The following LRP1B variants were observed in gnomAD, a reference collection of about 807,000 sequenced individuals.
The protein encoded by LRP1B is LDL receptor related protein 1B, also known as low-density lipoprotein receptor-related protein 1B.
LRP1B carries 217 observed loss-of-function variants against 556.6 expected under a neutral mutation model. The observed-to-expected ratio is 0.39, with a 90% CI of 0.35 to 0.44. The LOEUF is 0.44. Ranked by LOEUF, LRP1B falls within the 20% of genes least tolerant of loss-of-function variation. The probability of loss-of-function intolerance (pLI) is 1.00; values close to 1 mark genes in which losing one functional copy is unlikely to be tolerated. For missense variants in LRP1B, 5,053 were observed against 5,620.8 expected (o/e 0.90, Z 3.23); for synonymous variants, 2,047 against 1,865.8 (o/e 1.10, Z -2.50).
At chr2:140,253,289 G>A (rs1681534156) in intron 86 of LRP1B, among the ~76,000 whole-genome samples, 1 of 152,032 alleles carries the variant, frequency 6.6e-6, no homozygotes, top group African/African-American at 2.4e-5. Context: ...AAGTGTTAAT[G>A]TGGTAAAGTA....
rs565876901 is a variant in LRP1B, at chr2:140,408,143, A to G, written c.10415-22134T>C. Among the ~76,000 whole-genome samples, 11 of 152,060 alleles carry G rather than the reference A, an allele frequency of 7.2e-5. No individual in the cohort carries two copies. In the South Asian group the frequency reaches 8.3e-4, roughly 11 times the overall value. On this transcript the variant is annotated intron_variant, in intron 66 of 90. Coordinates refer to ENST00000389484, the MANE Select transcript of LRP1B (RefSeq NM_018557.3). ...AGCTAAGCTATGAGGACACAAAGAC[A>G]TGCAGAATGATATAATGGACTTTGA...
intron 2 of LRP1B, among the ~76,000 whole-genome samples, chr2:141,488,853 T>A (rs1205166464): frequency 1.3e-5 from 2 of 152,140 alleles, no homozygotes; most frequent in Non-Finnish European, 2.9e-5. Context: ...AAAAATTAAC[T>A]TTCCTGGAAT....
intron 7 of LRP1B, among the ~76,000 whole-genome samples, chr2:141,186,707 TG>T (rs1338037530): frequency 6.6e-6 from 1 of 152,050 alleles, no homozygotes; most frequent in Admixed American, 6.6e-5. Flanking sequence ...GCAAATGATG[TG>T]GGGGTTTTCT....
intron 84 of LRP1B, 125 bp from the exon 85 acceptor site, chr2:140,274,723 C>G (rs944006966): frequency 5.7e-6 from 4 of 704,532 alleles, no homozygotes; most frequent in Admixed American, 3.0e-5. Context: ...ACAAAAGCAG[C>G]TTATAATTAC....
chr2:141,597,001 G>A (rs1012776639), intron 2 of LRP1B, among the ~76,000 whole-genome samples: 5 of 129,816 alleles, frequency 3.9e-5, no homozygotes, highest in South Asian at 3.2e-4. Flanking sequence ...CAGAACTGAC[G>A]TGTGTGTGTG....
At chr2:140,977,504 T>C (rs1696639452) in intron 18 of LRP1B, among the ~76,000 whole-genome samples, 2 of 152,212 alleles carry the variant, frequency 1.3e-5, no homozygotes, top group South Asian at 4.1e-4. Flanking sequence ...CATTCTTACG[T>C]TACATAGTGC....
At chr2:140,411,156 T>C (rs1684954598) in intron 66 of LRP1B, among the ~76,000 whole-genome samples, 1 of 152,174 alleles carries the variant, frequency 6.6e-6, no homozygotes, top group African/African-American at 2.4e-5. Context: ...CTCTTGTACC[T>C]TGATAAAAAC....
rs183697058 is a variant in LRP1B at position 141,745,234 on chromosome 2, A to G, written c.205+65045T>C. ...AGACCCCAGGGCTCTACAATCAGCA[A>G]GTGGCAAAGTCAGCTAGACTCCTGT... On this transcript the variant is annotated intron_variant, in intron 2 of 90. Coordinates refer to ENST00000389484, the MANE Select transcript of LRP1B (RefSeq NM_018557.3). 5.1e-4 allele frequency among the ~76,000 whole-genome samples: 77 copies of G among 152,228 alleles called. No individual in the cohort carries two copies. In the East Asian group the frequency reaches 0.011, roughly 22 times the overall value.
At chr2:140,606,831 G>C (rs533366990) in intron 41 of LRP1B, among the ~76,000 whole-genome samples, 1 of 151,922 alleles carries the variant, frequency 6.6e-6, no homozygotes, top group African/African-American at 2.4e-5. Flanking sequence ...CCTAAACATA[G>C]ATGGTAGATG....
intron 2 of LRP1B, among the ~76,000 whole-genome samples, chr2:141,765,880 C>G (rs1694717607): frequency 6.6e-6 from 1 of 152,152 alleles, no homozygotes; most frequent in African/African-American, 2.4e-5. Flanking sequence ...CTTCGAAACT[C>G]AAAAACTCTG....
chr2:141,372,631 A>C (rs1689271141), intron 3 of LRP1B, among the ~76,000 whole-genome samples: 1 of 151,850 alleles, frequency 6.6e-6, no homozygotes, highest in Non-Finnish European at 1.5e-5. Flanking sequence ...GTTTTCCAGG[A>C]ATTTATTTCC....
chr2:141,217,932 C>G (rs1177355639), intron 6 of LRP1B, among the ~76,000 whole-genome samples: 1 of 151,958 alleles, frequency 6.6e-6, no homozygotes, highest in Non-Finnish European at 1.5e-5. Context: ...AGGACATGAA[C>G]AGACACTTCA....
intron 85 of LRP1B, among the ~76,000 whole-genome samples, chr2:140,273,849 C>T (rs1358591105): frequency 1.3e-5 from 2 of 151,924 alleles, no homozygotes; most frequent in African/African-American, 4.8e-5. Context: ...ATCTTAAAGC[C>T]AAAGAGCAAA....
At chr2:141,002,766 T>C (rs1020212686) in intron 15 of LRP1B, among the ~76,000 whole-genome samples, 1 of 151,968 alleles carries the variant, frequency 6.6e-6, no homozygotes, top group Non-Finnish European at 1.5e-5. Flanking sequence ...AACAATGGAG[T>C]GCTAAAAGTT....
chr2:141,616,937 C>A (rs556028975), intron 2 of LRP1B, among the ~76,000 whole-genome samples: 2 of 152,196 alleles, frequency 1.3e-5, no homozygotes, highest in Admixed American at 1.3e-4. Context: ...TACAAATCAT[C>A]ATTCAAAGAG....
At chr2:141,826,771 G>T (rs1168529794) in intron 1 of LRP1B, among the ~76,000 whole-genome samples, 1 of 152,202 alleles carries the variant, frequency 6.6e-6, no homozygotes, top group Admixed American at 6.5e-5. Flanking sequence ...GTAAAAGTGA[G>T]ATTTTTCAAA....
Position 140,608,339 on chromosome 2 carries a change from C to G in LRP1B, c.6800-6700G>C, listed in dbSNP as rs569963213. ...CTGCTGGTTCCAGTGAATGAGAACA[C>G]CTAAAAAACTGTGCAACTGTTGATC... On this transcript the variant is annotated intron_variant, in intron 41 of 90. Transcript: ENST00000389484. 3.9e-4 allele frequency among the ~76,000 whole-genome samples: 60 copies of G among 152,216 alleles called. No homozygotes were observed. In the South Asian group the frequency reaches 0.012, roughly 30 times the overall value.
chr2:140,485,408 G>A lies in LRP1B; in HGVS notation c.9360C>T (p.Tyr3120=), dbSNP rs139059904. The A allele has an allele frequency of 6.6e-5, 106 of 1,613,844 alleles. No homozygotes were observed. In the African/African-American group the frequency reaches 1.3e-3, roughly 20 times the overall value. The change falls in exon 59 of 91, where the codon TAC becomes TAT. Residue 3120 remains tyrosine, a synonymous_variant. Coordinates refer to ENST00000389484, the MANE Select transcript of LRP1B (RefSeq NM_018557.3). ...GCCTTTTGCTAACGAGTATAGTAGG[G>A]TACAAGCCATTGAGTTTGGATACTT... ...IIEVSKLNGL[Y]PTILVSKRLK... is the part of the protein sequence containing the mutation.
At chr2:141,126,200 T>G (rs912632345) in intron 7 of LRP1B, among the ~76,000 whole-genome samples, 1 of 151,920 alleles carries the variant, frequency 6.6e-6, no homozygotes, top group Non-Finnish European at 1.5e-5. Flanking sequence ...CCTGACTAAT[T>G]TTTTTGTATT....
Sources: allele counts gnomAD v4.1 joint callset (sites outside exome capture counted in the v4.1 genomes callset), GRCh38; gene constraint gnomAD v4.1.1; transcripts MANE v1.5; gene names NCBI Gene and HGNC (gene_info 2026-07-23, HGNC 2026-07-21).